The following HMGXB3 variants were observed in gnomAD, a reference collection of about 807,000 sequenced individuals.
HMGXB3 encodes the protein HMG domain-containing protein 3.
Under a neutral mutation model 121.5 loss-of-function variants are expected in HMGXB3, and 45 were observed. The observed-to-expected ratio is 0.37, with a 90% CI of 0.29 to 0.47. The LOEUF is 0.47. HMGXB3 is among the 20% of genes least tolerant of loss of function. The probability of loss-of-function intolerance (pLI) is 0.99; values close to 1 mark genes in which losing one functional copy is unlikely to be tolerated. For synonymous variants in HMGXB3, 590 were observed against 624.1 expected, an observed-to-expected ratio of 0.95 and a Z score of 0.81; for missense variants, 1,376 against 1,602.2, an observed-to-expected ratio of 0.86 and a Z score of 2.41.
chr5:150,004,147 T>A (rs1019792613), intron 1 of HMGXB3, among the ~76,000 whole-genome samples: 2 of 152,078 alleles, frequency 1.3e-5, no homozygotes, highest in African/African-American at 2.4e-5. Context: ...GTGCTGAGAT[T>A]ATAGGCGTGA....
intron 13 of HMGXB3, 23 bp downstream of exon 13, chr5:150,037,550 C>G (rs1756529518): frequency 1.3e-6 from 2 of 1,502,514 alleles, no homozygotes; most frequent in Non-Finnish European, 1.8e-6. Flanking sequence ...CTTCTCTTCC[C>G]TCAGAGCATC....
chr5:150,012,416 A>G, intron 5 of HMGXB3, 63 bp downstream of exon 5: 1 of 1,153,798 alleles, frequency 8.7e-7, no homozygotes, highest in Non-Finnish European at 1.3e-6. Flanking sequence ...TTTTCTAAGT[A>G]GATTTGTCTT....
chr5:150,008,042 G>T (rs1755742933), intron 3 of HMGXB3, among the ~76,000 whole-genome samples: 1 of 143,214 alleles, frequency 7.0e-6, no homozygotes, highest in African/African-American at 2.7e-5. Context: ...GGGCAACAGA[G>T]TGAGACTCTG....
intron 5 of HMGXB3, among the ~76,000 whole-genome samples, chr5:150,015,982 A>G (rs1755950863): frequency 2.0e-5 from 3 of 152,226 alleles, no homozygotes; most frequent in Admixed American, 2.0e-4. Flanking sequence ...TAATTAGGTC[A>G]AGTTGATTGA....
intron 9 of HMGXB3, among the ~76,000 whole-genome samples, chr5:150,028,505 A>ATG (rs1156746032): frequency 0.011 from 988 of 90,434 alleles, 13 homozygotes; most frequent in African/African-American, 0.033. Flanking sequence ...ATATGTATGT[A>ATG]TGTGTGTGTG....
Position 150,010,157 on chromosome 5 carries a change from G to T in HMGXB3, c.359G>T (p.Gly120Val), listed in dbSNP as rs1755794116. ...ALTAVVPDIPGFRKILPRSDY... is the reference protein window; with the variant it reads ...ALTAVVPDIPVFRKILPRSDY... The stretch of plus-strand genomic sequence containing the variant: ...ACTGCTGTGGTTCCGGACATCCCAG[G>T]TTTCCGCAAGATCCTCCCACGCTCA... The change falls in exon 4 of 20, where the codon GGT (glycine) becomes GTT (valine). Residue 120 changes from glycine (G) to valine (V), a missense_variant. This residue lies in a region of HMGXB3 where 1,116 missense variants were observed against 1,369.0 expected (regional missense o/e 0.82). Transcript: ENST00000502717. The T allele has an allele frequency of 6.4e-6, 10 of 1,551,606 alleles. No homozygotes were observed. Among genetic ancestry groups the T allele is most frequent in the Non-Finnish European group, 8.7e-6 (10 of 1,147,020 alleles).
Position 150,052,563 on chromosome 5 carries a change from G to C in HMGXB3, c.*371G>C. 1 of 226,320 alleles carries C rather than the reference G, an allele frequency of 4.4e-6. No individual in the cohort carries two copies. The highest frequency in any genetic ancestry group is 8.8e-6 in the Non-Finnish European group (1 of 113,958). The allele number at this position is 226,320 out of a possible 1,614,324, so 14.0% of individuals were successfully genotyped here. ...AGGCGTGAGCCCCAGCACTAGGTGG[G>C]AAGGCTGCTGAGGTCTCTCCCACCC... On this transcript the variant is annotated 3_prime_UTR_variant, in exon 20 of 20. Coordinates refer to ENST00000502717, the MANE Select transcript of HMGXB3 (RefSeq NM_014983.3).
chr5:150,017,905 A>G (rs1379524392), intron 5 of HMGXB3, among the ~76,000 whole-genome samples: 1 of 152,050 alleles, frequency 6.6e-6, no homozygotes, highest in Non-Finnish European at 1.5e-5. Flanking sequence ...AGTGGAGATG[A>G]TAAGAGCCAG....
intron 9 of HMGXB3, chr5:150,030,535 C>T: frequency 1.8e-6 from 1 of 550,038 alleles, no homozygotes; most frequent in East Asian, 3.0e-5. Context: ...AGAAACTGCA[C>T]AGAAGCATGT....
At chr5:150,012,162 A>T in intron 4 of HMGXB3, 93 bp from the exon 5 acceptor site, 1 of 819,440 alleles carries the variant, frequency 1.2e-6, no homozygotes, top group Non-Finnish European at 2.1e-6. Flanking sequence ...ACTGTCTGTT[A>T]TTAAACTTAA....
chr5:150,015,256 G>A (rs1755933930), intron 5 of HMGXB3: 5 of 185,856 alleles, frequency 2.7e-5, no homozygotes, highest in South Asian at 3.7e-4. Flanking sequence ...TAAGGTAGAA[G>A]CTGATGTCAT....
At chr5:150,031,766 G>A (rs990638177) in intron 10 of HMGXB3, among the ~76,000 whole-genome samples, 16 of 152,296 alleles carry the variant, frequency 1.1e-4, no homozygotes, top group African/African-American at 3.9e-4. Context: ...CACATATTCT[G>A]TACTAGGATC....
At chr5:150,020,061 T>C (rs753922996) in intron 6 of HMGXB3, among the ~76,000 whole-genome samples, 4 of 152,232 alleles carry the variant, frequency 2.6e-5, no homozygotes, top group Non-Finnish European at 4.4e-5. Context: ...GTCTCATCTG[T>C]CAATGGAAGT....
chr5:150,029,486 C>T (rs752435528), intron 9 of HMGXB3, among the ~76,000 whole-genome samples: 4 of 152,102 alleles, frequency 2.6e-5, no homozygotes, highest in Admixed American at 6.5e-5. Context: ...ATTTTTCAAG[C>T]TTTTGATCAT....
At chr5:150,004,394 T>A (rs944433607) in intron 1 of HMGXB3, among the ~76,000 whole-genome samples, 16 of 152,200 alleles carry the variant, frequency 1.1e-4, no homozygotes, top group African/African-American at 3.9e-4. Context: ...ATGAAGGGAT[T>A]TGCTTAAGTT....
At chr5:150,003,649 A>C (rs1221810211) in intron 1 of HMGXB3, among the ~76,000 whole-genome samples, 1 of 149,730 alleles carries the variant, frequency 6.7e-6, no homozygotes, top group Non-Finnish European at 1.5e-5. Context: ...TTTTTCTGCC[A>C]ATTACCTGAC....
intron 17 of HMGXB3, 129 bp downstream of exon 17, chr5:150,047,886 G>A: frequency 1.0e-6 from 1 of 998,350 alleles, no homozygotes; most frequent in Non-Finnish European, 1.5e-6. Context: ...AGTCAGGGAT[G>A]CCTAGGAGAT....
chr5:150,020,718 C>A (rs2113737337), intron 6 of HMGXB3, among the ~76,000 whole-genome samples: 1 of 150,848 alleles, frequency 6.6e-6, no homozygotes, highest in East Asian at 1.9e-4. Flanking sequence ...TGACATCATA[C>A]CATCATACCT....
At position 150,009,255 on chromosome 5, in the gene HMGXB3, A is replaced by C. The variant is rs537249671; in HGVS notation, c.313-856A>C. ...GGAGTCCCAGCTTTACTGTTTACTA[A>C]TTTTGTGTTTAGGGAAAGTTTACCT... On this transcript the variant is annotated intron_variant, in intron 3 of 19. Coordinates refer to ENST00000502717, the MANE Select transcript of HMGXB3 (RefSeq NM_014983.3). Among the ~76,000 whole-genome samples, 4 of 152,238 alleles carry C rather than the reference A, an allele frequency of 2.6e-5. No homozygotes were observed. In the East Asian group the frequency reaches 7.7e-4, roughly 29 times the overall value.
Sources: gnomAD v4.1 joint callset for allele counts (sites outside exome capture counted in the v4.1 genomes callset) on GRCh38, gnomAD v4.1.1 for gene constraint, gnomAD v4.1.1 regional missense constraint, MANE v1.5 for transcripts, NCBI Gene and HGNC (gene_info 2026-07-23, HGNC 2026-07-21) for gene names.